ITGAE: variants seen among roughly 807,000 people sequenced by gnomAD.
ITGAE encodes integrin subunit alpha E, also known as integrin alpha-E.
In ITGAE, 99 loss-of-function variants were observed where a neutral mutation model predicts 136.5. That is an observed-to-expected ratio of 0.73 (90% confidence interval 0.62 to 0.86). The LOEUF (loss-of-function observed/expected upper bound fraction) is 0.86. Among genes scored for constraint, ITGAE ranks in the 40% least tolerant of loss-of-function variants. ITGAE has a pLI of 0.00. For missense variants in ITGAE, 1,447 were observed against 1,515.3 expected, an observed-to-expected ratio of 0.95 and a Z score of 0.75; for synonymous variants, 613 against 591.8, an observed-to-expected ratio of 1.04 and a Z score of -0.52.
intron 26 of ITGAE, chr17:3,724,163 G>T (rs745336173): frequency 1.4e-5 from 22 of 1,593,912 alleles, no homozygotes; most frequent in Non-Finnish European, 1.9e-5. Flanking sequence ...GCAGCCCGGT[G>T]AGGCGGCGGC....
intron 1 of ITGAE, among the ~76,000 whole-genome samples, chr17:3,797,608 G>A (rs572630525): frequency 2.8e-4 from 42 of 151,652 alleles, no homozygotes; most frequent in South Asian, 2.1e-3. Context: ...TTACAGGTGC[G>A]CACCACCATG....
At chr17:3,769,417 C>A (rs1317233417) in intron 2 of ITGAE, among the ~76,000 whole-genome samples, 2 of 151,226 alleles carry the variant, frequency 1.3e-5, no homozygotes, top group Non-Finnish European at 2.9e-5. Context: ...CACTGCAGAT[C>A]CCAAGACTGC....
rs2143087878 is a variant in ITGAE at position 3,760,262 on chromosome 17, A to G, written c.624T>C (p.Asp208=). The G allele has an allele frequency of 6.2e-7, 1 of 1,613,428 alleles. No individual in the cohort carries two copies. The highest frequency in any genetic ancestry group is 1.3e-5 in the African/African-American group (1 of 74,906). The change falls in exon 7 of 31, where the codon GAT becomes GAC. Residue 208 remains aspartate (D), a synonymous_variant. Transcript: ENST00000263087. ...EAGTEIAIIL[D]GSGSIDPPDF... is the part of the protein sequence containing the mutation. The stretch of plus-strand genomic sequence containing the variant: ...CTGGGGGATCAATGCTTCCTGAGCC[A>G]TCCAGGATGATGGCAATCTCGGTGC...
chr17:3,750,276 C>A lies in ITGAE; in HGVS notation c.2024+76G>T, dbSNP rs2051830870. 3.1e-5 allele frequency: 48 copies of A among 1,568,604 alleles called. No individual in the cohort carries two copies. The South Asian group carries it at 4.9e-4, about 16-fold the overall frequency. On this transcript the variant is annotated intron_variant, in intron 16 of 30. Coordinates refer to ENST00000263087, the MANE Select transcript of ITGAE (RefSeq NM_002208.5). ...GGCTCCCTCCCTCAGTGCCTAATGT[C>A]TGCATGGAGCTATTTAGAGCAGGGC...
At position 3,724,356 on chromosome 17, in the gene ITGAE, C is replaced by T. The variant is rs765192610; in HGVS notation, c.3085-612G>A. On this transcript the variant is annotated intron_variant, in intron 26 of 30. Transcript: ENST00000263087. The stretch of plus-strand genomic sequence containing the variant: ...GCTCCGACTTCCGCCCTTCCCCAGC[C>T]GCGACTCCGGCCGCCTCAGCCCGGA... 4.4e-6 allele frequency: 7 copies of T among 1,600,518 alleles called. No homozygotes were observed. The East Asian group carries it at 1.6e-4, about 36-fold the overall frequency.
At chr17:3,785,552 A>ACGGACGG (rs2052771630) in intron 1 of ITGAE, among the ~76,000 whole-genome samples, 1 of 147,846 alleles carries the variant, frequency 6.8e-6, no homozygotes, top group South Asian at 2.1e-4. Flanking sequence ...GGAAGGAAGG[A>ACGGACGG]AGGAAAACTA....
intron 29 of ITGAE, among the ~76,000 whole-genome samples, chr17:3,719,883 A>G (rs773974686): frequency 1.3e-5 from 2 of 152,004 alleles, no homozygotes; most frequent in African/African-American, 2.4e-5. Flanking sequence ...ACCCACCATC[A>G]TGTCCGGCTA....
chr17:3,775,306 T>G (rs1485026991), intron 2 of ITGAE, among the ~76,000 whole-genome samples: 2 of 152,174 alleles, frequency 1.3e-5, no homozygotes, highest in African/African-American at 4.8e-5. Flanking sequence ...TGTTTCCAGA[T>G]GGATCCAGGT....
intron 1 of ITGAE, among the ~76,000 whole-genome samples, chr17:3,792,432 A>G (rs1000113097): frequency 6.6e-6 from 1 of 152,178 alleles, no homozygotes; most frequent in African/African-American, 2.4e-5. Flanking sequence ...TCTATATTTT[A>G]TTCCTTTTTC....
intron 1 of ITGAE, among the ~76,000 whole-genome samples, chr17:3,796,369 A>C (rs1029951284): frequency 1.2e-4 from 19 of 152,258 alleles, no homozygotes; most frequent in African/African-American, 4.6e-4. Flanking sequence ...ACCAGGACTC[A>C]GAAAACAGCA....
At chr17:3,787,208 T>G (rs2143426435) in intron 1 of ITGAE, among the ~76,000 whole-genome samples, 1 of 151,636 alleles carries the variant, frequency 6.6e-6, no homozygotes, top group Admixed American at 6.6e-5. Context: ...GCCTCCCTGG[T>G]TCAAGCGATT....
At chr17:3,782,329 C>T (rs1261328738) in intron 1 of ITGAE, among the ~76,000 whole-genome samples, 2 of 130,520 alleles carry the variant, frequency 1.5e-5, no homozygotes, top group Non-Finnish European at 3.2e-5. Flanking sequence ...CACTCCATTG[C>T]TTAAATCTCT....
At chr17:3,760,938 C>T in intron 6 of ITGAE, 75 bp downstream of exon 6, 1 of 1,531,252 alleles carries the variant, frequency 6.5e-7, no homozygotes. Flanking sequence ...CTGAGGCACC[C>T]CTCACCCTTG....
chr17:3,785,162 AAAAG>A (rs1234083481), intron 1 of ITGAE, among the ~76,000 whole-genome samples: 2 of 151,508 alleles, frequency 1.3e-5, no homozygotes, highest in Admixed American at 6.6e-5. Context: ...AAAAAAAGAA[AAAAG>A]AAAGAAAGGG....
chr17:3,743,021 G>C (rs1003095998), intron 19 of ITGAE, among the ~76,000 whole-genome samples: 2 of 152,238 alleles, frequency 1.3e-5, no homozygotes, highest in Non-Finnish European at 2.9e-5. Context: ...GAGAGGCTAG[G>C]ATACAGGTTT....
chr17:3,796,053 G>C (rs202119159), intron 1 of ITGAE, among the ~76,000 whole-genome samples: 2 of 15,036 alleles, frequency 1.3e-4, no homozygotes, highest in Non-Finnish European at 3.7e-4. Context: ...GTGTGCATCT[G>C]TGTGTGTGCA....
intron 1 of ITGAE, among the ~76,000 whole-genome samples, chr17:3,781,545 C>T (rs149020222): frequency 0.014 from 2,143 of 152,024 alleles, 50 homozygotes; most frequent in African/African-American, 0.048. Context: ...TTAGTAGAGA[C>T]GGGGTTTCAC....
chr17:3,755,423 T>C (rs2051996675), intron 11 of ITGAE, among the ~76,000 whole-genome samples, 162 bp from the exon 12 acceptor site: 1 of 152,166 alleles, frequency 6.6e-6, no homozygotes, highest in African/African-American at 2.4e-5. Context: ...GAAGGTGAGA[T>C]GGCCAACACT....
chr17:3,766,333 T>A (rs966004), intron 2 of ITGAE, among the ~76,000 whole-genome samples: 30,324 of 151,850 alleles, frequency 0.2, 3,170 homozygotes, highest in African/African-American at 0.23. Flanking sequence ...TCGGAGAAAG[T>A]TGTGAAGCTT....
Sources: gnomAD v4.1 joint callset for allele counts (sites outside exome capture counted in the v4.1 genomes callset) on GRCh38, gnomAD v4.1.1 for gene constraint, MANE v1.5 for transcripts, NCBI Gene and HGNC (gene_info 2026-07-23, HGNC 2026-07-21) for gene names.